The following NFATC1 variants were observed in gnomAD, a reference collection of about 807,000 sequenced individuals.
The protein encoded by NFATC1 is nuclear factor of activated T cells 1, also known as nuclear factor of activated T-cells, cytoplasmic 1.
NFATC1 carries 22 observed loss-of-function variants against 76.0 expected under a neutral mutation model. The observed-to-expected ratio is 0.29, with a 90% confidence interval of 0.21 to 0.41. The LOEUF is 0.41. Among genes scored for constraint, NFATC1 ranks in the 10% least tolerant of loss-of-function variants. The pLI, the probability that NFATC1 is intolerant of heterozygous loss-of-function variation, is 1.00. For synonymous variants in NFATC1, 704 were observed against 613.1 expected (o/e 1.15, Z -2.19); for missense variants, 1,357 against 1,337.7 (o/e 1.01, Z -0.23).
At chr18:79,482,283 C>T (rs1339753513) in intron 8 of NFATC1, among the ~76,000 whole-genome samples, 1 of 131,662 alleles carries the variant, frequency 7.6e-6, no homozygotes, top group South Asian at 2.4e-4. Flanking sequence ...TCCAGTGTGA[C>T]CTGGTTCCTG....
intron 8 of NFATC1, chr18:79,469,247 T>G (rs536953255): frequency 3.6e-6 from 3 of 828,032 alleles, no homozygotes; most frequent in Non-Finnish European, 4.4e-6. Flanking sequence ...AATTGAATGT[T>G]TTAAAGAAAA....
chr18:79,440,230 A>G (rs768160486), intron 3 of NFATC1, among the ~76,000 whole-genome samples: 3 of 152,130 alleles, frequency 2.0e-5, no homozygotes, highest in Non-Finnish European at 2.9e-5. Context: ...AAAATTTAAG[A>G]TGACGCGTGG....
chr18:79,416,528 G>T (rs965978000), intron 2 of NFATC1, among the ~76,000 whole-genome samples: 1 of 152,162 alleles, frequency 6.6e-6, no homozygotes, highest in East Asian at 1.9e-4. Flanking sequence ...AGTCTCTAAG[G>T]CGTTGTACCG....
chr18:79,419,182 C>A (rs1300719849), intron 2 of NFATC1, among the ~76,000 whole-genome samples: 1 of 152,128 alleles, frequency 6.6e-6, no homozygotes, highest in Non-Finnish European at 1.5e-5. Context: ...CGGCACCACA[C>A]CTGGCTAATT....
At chr18:79,448,436 A>G (rs897587306) in intron 3 of NFATC1, 4 of 325,600 alleles carry the variant, frequency 1.2e-5, no homozygotes, top group African/African-American at 8.5e-5. Flanking sequence ...ATCTGGATTT[A>G]TTGGTGAAGC....
intron 2 of NFATC1, among the ~76,000 whole-genome samples, chr18:79,429,725 A>C (rs1271977090): frequency 6.6e-6 from 1 of 152,218 alleles, no homozygotes; most frequent in Non-Finnish European, 1.5e-5. Context: ...GAAAATTTCT[A>C]ACCAAAACCA....
chr18:79,509,722 C>T (rs2090199708), intron 9 of NFATC1, among the ~76,000 whole-genome samples: 1 of 152,350 alleles, frequency 6.6e-6, no homozygotes, highest in Admixed American at 6.5e-5. Flanking sequence ...ACCCATGACA[C>T]CTGAGCAGGA....
At position 79,477,559 on chromosome 18, in the gene NFATC1, G is replaced by A. The variant is rs181023973; in HGVS notation, c.2093-8689G>A. On this transcript the variant is annotated intron_variant, in intron 8 of 9. Coordinates refer to ENST00000427363, the MANE Select transcript of NFATC1 (RefSeq NM_001278669.2). ...CTTCCATGGTGGAGCACTACCGGCC[G>A]TACTGTTGGTGGAAGAAGGGAGTCC... is the stretch of plus-strand genomic sequence containing the variant. Among the ~76,000 whole-genome samples, 419 of 149,530 alleles carry A rather than the reference G, an allele frequency of 2.8e-3. 1 individual carries two copies. Among genetic ancestry groups the A allele is most frequent in the African/African-American group, 0.01 (393 of 39,094 alleles).
intron 1 of NFATC1, among the ~76,000 whole-genome samples, chr18:79,408,125 T>TG (rs2085505746): frequency 6.6e-6 from 1 of 152,232 alleles, no homozygotes; most frequent in African/African-American, 2.4e-5. Context: ...CCTGGGGCGC[T>TG]AGAACCATTT....
chr18:79,424,497 CTCTCTCCGTCTCTGTCTG>C (rs1568942820), intron 2 of NFATC1, among the ~76,000 whole-genome samples: 20 of 152,210 alleles, frequency 1.3e-4, no homozygotes, highest in Admixed American at 1.0e-3. Context: ...CCATCTCTGT[CTCTCTCCGTCTCTGTCTG>C]TCTCTCCATC....
At chr18:79,507,975 C>A (rs2090156043) in intron 9 of NFATC1, among the ~76,000 whole-genome samples, 1 of 152,252 alleles carries the variant, frequency 6.6e-6, no homozygotes, top group Non-Finnish European at 1.5e-5. Flanking sequence ...TATGTACTTT[C>A]CCTTTTCCAC....
chr18:79,425,931 C>T (rs532761194), intron 2 of NFATC1, among the ~76,000 whole-genome samples: 1 of 152,222 alleles, frequency 6.6e-6, no homozygotes. Flanking sequence ...ATGAGTCCTG[C>T]ACCAGCGTGG....
chr18:79,510,853 G>A (rs368109340), intron 9 of NFATC1, among the ~76,000 whole-genome samples: 8 of 150,668 alleles, frequency 5.3e-5, no homozygotes, highest in Non-Finnish European at 7.4e-5. Context: ...ATCCTCTGCC[G>A]GGGCATCCTC....
chr18:79,432,585 G>A (rs2086638117), intron 2 of NFATC1, among the ~76,000 whole-genome samples: 1 of 152,228 alleles, frequency 6.6e-6, no homozygotes, highest in Non-Finnish European at 1.5e-5. Context: ...GCTGGGCCGG[G>A]GCTGCAGCGG....
intron 7 of NFATC1, among the ~76,000 whole-genome samples, chr18:79,461,596 G>T (rs553429157): frequency 6.6e-6 from 1 of 152,344 alleles, no homozygotes; most frequent in East Asian, 1.9e-4. Context: ...TCACGTCAGA[G>T]CCCTGGCGGC....
intron 9 of NFATC1, among the ~76,000 whole-genome samples, chr18:79,523,322 C>T (rs1412398939): frequency 6.6e-6 from 1 of 152,228 alleles, no homozygotes; most frequent in Non-Finnish European, 1.5e-5. Context: ...CCGTTCTGGC[C>T]CTCATCATTC....
intron 6 of NFATC1, among the ~76,000 whole-genome samples, chr18:79,455,810 C>CCACGGCCGCCCCATCCCACGGCCGCCCCA (rs2087694165): frequency 6.6e-6 from 1 of 151,340 alleles, no homozygotes; most frequent in African/African-American, 2.4e-5. Flanking sequence ...CCGCCCCATC[C>CCACGGCCGCCCCATCCCACGGCCGCCCCA]TCTGGCCCTG....
In NFATC1 at chr18:79,528,054, T is replaced by G; in HGVS notation, c.*477T>G. 4.9e-6 allele frequency: 2 copies of G among 405,280 alleles called. No individual in the cohort carries two copies. The highest frequency in any genetic ancestry group is 8.7e-6 in the Non-Finnish European group (2 of 230,048). The allele number at this position is 405,280 out of a possible 1,614,324, so 25.1% of individuals were successfully genotyped here. ...TGTGAGGTTTTACCCTCTGTATGAA[T>G]GAAGAGAACGCTGGAAGGCTGCGAG... On this transcript the variant is annotated 3_prime_UTR_variant, in exon 10 of 10. Transcript: ENST00000427363.
In NFATC1 at chr18:79,406,842, G is replaced by A. The variant is rs777855906; in HGVS notation, c.128-3561G>A. On this transcript the variant is annotated intron_variant, in intron 1 of 9. Coordinates refer to ENST00000427363, the MANE Select transcript of NFATC1 (RefSeq NM_001278669.2). The stretch of plus-strand genomic sequence containing the variant: ...TGTGCTTCCCCCGAGACCCCCAGCC[G>A]CAGAGCCAGCCACGGCTCCGCGGGT... Among the ~76,000 whole-genome samples, 13 of 151,844 alleles carry A rather than the reference G, an allele frequency of 8.6e-5. No individual in the cohort carries two copies. In the East Asian group the frequency reaches 1.6e-3, roughly 18 times the overall value.
Sources: gnomAD v4.1 joint callset for allele counts (sites outside exome capture counted in the v4.1 genomes callset) on GRCh38, gnomAD v4.1.1 for gene constraint, MANE v1.5 for transcripts, NCBI Gene and HGNC (gene_info 2026-07-23, HGNC 2026-07-21) for gene names.